CNTN1: variants seen among roughly 807,000 people sequenced by gnomAD.
The protein encoded by CNTN1 is contactin-1.
In CNTN1, 38 loss-of-function variants were observed where a neutral mutation model predicts 126.4. The ratio of observed to expected loss-of-function variants is 0.30; its 90% CI spans 0.23 to 0.39. The LOEUF is 0.39. Among genes scored for constraint, CNTN1 ranks in the 10% least tolerant of loss-of-function variants. The pLI is 1.00. For synonymous variants in CNTN1, 413 were observed against 422.6 expected (o/e 0.98, Z 0.28); for missense variants, 1,009 against 1,248.4 (o/e 0.81, Z 2.89).
chr12:40,888,565 A>G (rs189865249), intron 1 of CNTN1, among the ~76,000 whole-genome samples: 4 of 152,258 alleles, frequency 2.6e-5, no homozygotes, highest in African/African-American at 4.8e-5. Flanking sequence ...TACAATCTTA[A>G]CTTGTTTTAG....
At chr12:40,706,843 T>C (rs1186109147) in intron 1 of CNTN1, among the ~76,000 whole-genome samples, 2 of 152,162 alleles carry the variant, frequency 1.3e-5, no homozygotes, top group South Asian at 4.1e-4. Context: ...CTGAGATTGT[T>C]AAAAAGGAGG....
At chr12:40,840,253 T>A (rs1285343906) in intron 1 of CNTN1, among the ~76,000 whole-genome samples, 1 of 151,766 alleles carries the variant, frequency 6.6e-6, no homozygotes, top group East Asian at 1.9e-4. Context: ...AAGACAAAAG[T>A]CATTATATAA....
intron 1 of CNTN1, among the ~76,000 whole-genome samples, chr12:40,818,646 C>G (rs1425796330): frequency 6.6e-6 from 1 of 152,124 alleles, no homozygotes; most frequent in East Asian, 1.9e-4. Flanking sequence ...TTTTTTATTA[C>G]CCATCTTCTG....
intron 1 of CNTN1, among the ~76,000 whole-genome samples, chr12:40,863,352 C>T (rs1943179303): frequency 2.0e-5 from 3 of 152,074 alleles, no homozygotes; most frequent in Admixed American, 1.3e-4. Flanking sequence ...TTCTAAAATA[C>T]TGTAATTCTG....
chr12:40,781,631 C>T (rs770350630), intron 1 of CNTN1, among the ~76,000 whole-genome samples: 4 of 151,906 alleles, frequency 2.6e-5, no homozygotes, highest in East Asian at 1.9e-4. Flanking sequence ...CATCATTAAT[C>T]AATTTTTTTA....
intron 1 of CNTN1, among the ~76,000 whole-genome samples, chr12:40,804,169 A>G (rs568054645): frequency 2.6e-5 from 4 of 152,150 alleles, no homozygotes; most frequent in Admixed American, 1.3e-4. Context: ...AGAACAAAAG[A>G]CAGATCAGGT....
intron 1 of CNTN1, among the ~76,000 whole-genome samples, chr12:40,793,131 T>C (rs1263637404): frequency 6.6e-6 from 1 of 152,124 alleles, no homozygotes; most frequent in African/African-American, 2.4e-5. Context: ...CTCATCTTTC[T>C]GAGGGCTGCT....
chr12:40,845,607 A>G (rs532424268), intron 1 of CNTN1, among the ~76,000 whole-genome samples: 2 of 152,294 alleles, frequency 1.3e-5, no homozygotes, highest in South Asian at 4.1e-4. Flanking sequence ...TAGTCACCAG[A>G]AAGACCAAAT....
intron 23 of CNTN1, among the ~76,000 whole-genome samples, chr12:41,038,379 G>A (rs1949317682): frequency 6.6e-6 from 1 of 152,070 alleles, no homozygotes; most frequent in Non-Finnish European, 1.5e-5. Flanking sequence ...TCAAGATGTT[G>A]GCAGGGTTGG....
intron 1 of CNTN1, among the ~76,000 whole-genome samples, chr12:40,820,861 ATTTTG>A (rs1941421076): frequency 6.6e-6 from 1 of 152,084 alleles, no homozygotes; most frequent in Non-Finnish European, 1.5e-5. Context: ...TATTCTGGGC[ATTTTG>A]TTTATTTATT....
In CNTN1 at chr12:40,911,034, G is replaced by C. The variant is rs552953966; in HGVS notation, c.94+929G>C. Among the ~76,000 whole-genome samples, 3 of 152,244 alleles carry C rather than the reference G, an allele frequency of 2.0e-5. No individual in the cohort carries two copies. In the South Asian group the frequency reaches 6.2e-4, roughly 32 times the overall value. On this transcript the variant is annotated intron_variant, in intron 3 of 23. Transcript: ENST00000551295. ...TTGGACATACAGTTCCACTTGGCTG[G>C]GGAGGCCTCAGAATTACGGCAGGAG...
chr12:40,858,961 A>T (rs1213490035), intron 1 of CNTN1, among the ~76,000 whole-genome samples: 1 of 151,482 alleles, frequency 6.6e-6, no homozygotes, highest in East Asian at 1.9e-4. Context: ...GGAACAACAC[A>T]CACTGGGGCC....
chr12:40,791,735 G>T (rs1319740057), intron 1 of CNTN1, among the ~76,000 whole-genome samples: 2 of 152,086 alleles, frequency 1.3e-5, no homozygotes, highest in African/African-American at 2.4e-5. Flanking sequence ...ACTTTGTTAA[G>T]ATACGCAAAA....
intron 1 of CNTN1, among the ~76,000 whole-genome samples, chr12:40,812,210 T>C (rs1036302863): frequency 3.3e-5 from 5 of 152,110 alleles, no homozygotes; most frequent in African/African-American, 1.2e-4. Flanking sequence ...GTCTTTCTGT[T>C]ATTATTGACT....
At chr12:40,730,663 G>T (rs1035725073) in intron 1 of CNTN1, among the ~76,000 whole-genome samples, 1 of 152,194 alleles carries the variant, frequency 6.6e-6, no homozygotes, top group East Asian at 1.9e-4. Context: ...TAATTAATGG[G>T]TATTTGCTAA....
chr12:40,974,527 T>C (rs1176130562), intron 15 of CNTN1, among the ~76,000 whole-genome samples: 1 of 152,210 alleles, frequency 6.6e-6, no homozygotes, highest in African/African-American at 2.4e-5. Context: ...TTCACTTGTA[T>C]ACAAGTAATT....
chr12:40,796,810 AG>A (rs1252819561), intron 1 of CNTN1, among the ~76,000 whole-genome samples: 1 of 152,086 alleles, frequency 6.6e-6, no homozygotes, highest in African/African-American at 2.4e-5. Flanking sequence ...TAGACCAAAA[AG>A]GTCAGGACTG....
intron 1 of CNTN1, among the ~76,000 whole-genome samples, chr12:40,854,389 G>A (rs1942824833): frequency 6.6e-6 from 1 of 151,978 alleles, no homozygotes; most frequent in Admixed American, 6.6e-5. Context: ...CAACATGGGG[G>A]AATAATTAGT....
rs577721288 is a variant in CNTN1 at position 40,909,300 on chromosome 12, T to C, written c.62-773T>C. Among the ~76,000 whole-genome samples, 3 of 152,180 alleles carry C rather than the reference T, an allele frequency of 2.0e-5. No homozygotes were observed. The South Asian group carries it at 6.2e-4, about 32-fold the overall frequency. ...TACAATGAGAAGCACATCATATCTT[T>C]ATCTGAAAAACTGATATAATTACCC... is the stretch of plus-strand genomic sequence containing the variant. On this transcript the variant is annotated intron_variant, in intron 2 of 23. Coordinates refer to ENST00000551295, the MANE Select transcript of CNTN1 (RefSeq NM_001843.4).
Sources: gnomAD v4.1 joint callset for allele counts (sites outside exome capture counted in the v4.1 genomes callset) on GRCh38, gnomAD v4.1.1 for gene constraint, MANE v1.5 for transcripts, NCBI Gene and HGNC (gene_info 2026-07-23, HGNC 2026-07-21) for gene names.